The following CFTR variants were observed in gnomAD, a reference collection of about 807,000 sequenced individuals.
The protein encoded by CFTR is cystic fibrosis transmembrane conductance regulator.
In CFTR, 181 loss-of-function variants were observed where a neutral mutation model predicts 171.6. The observed-to-expected ratio is 1.05, with a 90% CI of 0.93 to 1.19. The LOEUF (loss-of-function observed/expected upper bound fraction) is 1.19. Among genes scored for constraint, CFTR ranks in the 50% most tolerant of loss-of-function variants. The probability of loss-of-function intolerance (pLI) is 0.00; values close to 1 mark genes in which losing one functional copy is unlikely to be tolerated. For missense variants in CFTR, 1,968 were observed against 1,734.7 expected (o/e 1.13, Z -2.39); for synonymous variants, 583 against 608.0 (o/e 0.96, Z 0.60).
At chr7:117,599,849 A>C (rs1792194436) in intron 15 of CFTR, among the ~76,000 whole-genome samples, 1 of 152,078 alleles carries the variant, frequency 6.6e-6, no homozygotes, top group Non-Finnish European at 1.5e-5. Context: ...TCTCATTACC[A>C]TTGAAATGTC....
At chr7:117,665,837 T>A (rs1001944844) in intron 26 of CFTR, among the ~76,000 whole-genome samples, 5 of 152,196 alleles carry the variant, frequency 3.3e-5, no homozygotes, top group Non-Finnish European at 7.3e-5. Context: ...AGCCCTTTAT[T>A]TGGGGACCAA....
intron 23 of CFTR, among the ~76,000 whole-genome samples, chr7:117,644,420 G>GAA (rs4148722): frequency 2.8e-5 from 4 of 143,796 alleles, no homozygotes; most frequent in African/African-American, 1.0e-4. Context: ...AGTTTAAAAA[G>GAA]AAAAAAAAAA....
chr7:117,570,207 A>AC (rs1491109870), intron 11 of CFTR, among the ~76,000 whole-genome samples: 64 of 151,632 alleles, frequency 4.2e-4, no homozygotes, highest in Middle Eastern at 3.4e-3. Flanking sequence ...AAAAAAAAAA[A>AC]CAAACAAAAA....
rs121909019 is a variant in CFTR, at chr7:117,611,638, G to A, written c.3197G>A (p.Arg1066His). 62 of 1,613,334 alleles carry A rather than the reference G, an allele frequency of 3.8e-5. No individual in the cohort carries two copies. Among genetic ancestry groups the A allele is most frequent in the Non-Finnish European group, 5.0e-5 (59 of 1,179,718 alleles). ...AGCTTAAAAGGACTATGGACACTTC[G>A]TGCCTTCGGACGGCAGCCTTACTTT... ...VTSLKGLWTL[R>H]AFGRQPYFET... Residue 1066 changes from arginine (R) to histidine (H), a missense_variant, in exon 20 of 27, where the codon CGT becomes CAT. Arg to His is a conservative substitution (Grantham distance 29, BLOSUM62 0). Transcript: ENST00000003084.
intron 1 of CFTR, among the ~76,000 whole-genome samples, chr7:117,489,857 A>AC (rs1362767770): frequency 6.6e-6 from 1 of 151,976 alleles, no homozygotes; most frequent in Non-Finnish European, 1.5e-5. Flanking sequence ...TAAAATACAT[A>AC]CATTTCAAAT....
At chr7:117,498,256 C>T (rs2116627166) in intron 1 of CFTR, among the ~76,000 whole-genome samples, 1 of 152,234 alleles carries the variant, frequency 6.6e-6, no homozygotes, top group South Asian at 2.1e-4. Context: ...CTCCAAGTCC[C>T]TTGGTAAAAT....
At chr7:117,644,863 C>A (rs923818550) in intron 23 of CFTR, among the ~76,000 whole-genome samples, 2 of 152,182 alleles carry the variant, frequency 1.3e-5, no homozygotes, top group Admixed American at 6.6e-5. Flanking sequence ...GACAATGAGG[C>A]TAATCATGAG....
Position 117,597,300 on chromosome 7 carries a change from G to A in CFTR, c.2619+2242G>A, listed in dbSNP as rs932240526. Among the ~76,000 whole-genome samples the A allele has an allele frequency of 3.3e-5, 5 of 152,248 alleles. No individual in the cohort carries two copies. In the East Asian group the frequency reaches 7.7e-4, roughly 24 times the overall value. On this transcript the variant is annotated intron_variant, in intron 15 of 26. Coordinates refer to ENST00000003084, the MANE Select transcript of CFTR (RefSeq NM_000492.4). ...AGAAGGAACAAACTCAGGACACGCGGCCTTTAAGAACTATAACACTCACTG... is the reference window on the plus strand; with the variant it reads ...AGAAGGAACAAACTCAGGACACGCGACCTTTAAGAACTATAACACTCACTG...
At position 117,592,217 on chromosome 7, in the gene CFTR, AAAC is replaced by A. The variant is rs1417165796; in HGVS notation, c.2053_2055del (p.Gln685del). On this transcript the variant is annotated inframe_deletion, in exon 14 of 27. Transcript: ENST00000003084. ...TCCTGTCTCCTGGACAGAAACAAAA[AAAC>A]AATCTTTTAAACAGACTGGAGAGTT... 1 of 1,613,810 alleles carries A rather than the reference AAAC, an allele frequency of 6.2e-7. No individual in the cohort carries two copies. Among genetic ancestry groups the A allele is most frequent in the African/African-American group, 1.3e-5 (1 of 74,938 alleles).
intron 11 of CFTR, among the ~76,000 whole-genome samples, chr7:117,574,184 A>C (rs1276166756): frequency 6.6e-6 from 1 of 152,124 alleles, no homozygotes; most frequent in Non-Finnish European, 1.5e-5. Flanking sequence ...CAGTGCATAC[A>C]AAATGAAGTG....
intron 2 of CFTR, among the ~76,000 whole-genome samples, chr7:117,504,790 A>T (rs1351522213): frequency 6.6e-6 from 1 of 150,652 alleles, no homozygotes; most frequent in African/African-American, 2.4e-5. Context: ...TCTCATTTTC[A>T]CACTGAAATG....
intron 11 of CFTR, among the ~76,000 whole-genome samples, chr7:117,583,398 C>G (rs937187584): frequency 6.6e-6 from 1 of 152,074 alleles, no homozygotes; most frequent in African/African-American, 2.4e-5. Context: ...TGGTTAGCTC[C>G]CACTTGTAAG....
chr7:117,481,509 G>C (rs912154972), intron 1 of CFTR, among the ~76,000 whole-genome samples: 1 of 152,000 alleles, frequency 6.6e-6, no homozygotes, highest in Admixed American at 6.6e-5. Context: ...TGTCAAAGTG[G>C]GTTTTTATAT....
chr7:117,558,931 T>C (rs558097931), intron 10 of CFTR, among the ~76,000 whole-genome samples: 3 of 152,350 alleles, frequency 2.0e-5, no homozygotes, highest in African/African-American at 7.2e-5. Context: ...ATATAAATCT[T>C]TGTTCACTGA....
intron 19 of CFTR, 41 bp downstream of exon 19, chr7:117,610,710 T>C: frequency 6.2e-7 from 1 of 1,605,644 alleles, no homozygotes; most frequent in Middle Eastern, 1.7e-4. Context: ...GTAAAAAAGC[T>C]ATAAGAGCTA....
chr7:117,604,156 G>A (rs1792270061), intron 17 of CFTR, among the ~76,000 whole-genome samples: 1 of 150,902 alleles, frequency 6.6e-6, no homozygotes, highest in South Asian at 2.1e-4. Context: ...AAGTGATCAA[G>A]GAAAATATAT....
At chr7:117,656,660 A>G (rs1269405929) in intron 24 of CFTR, among the ~76,000 whole-genome samples, 1 of 152,234 alleles carries the variant, frequency 6.6e-6, no homozygotes, top group African/African-American at 2.4e-5. Flanking sequence ...TAAGCATTAT[A>G]TTAAAGAAAA....
At chr7:117,664,249 T>C (rs1793332348) in intron 24 of CFTR, among the ~76,000 whole-genome samples, 1 of 152,214 alleles carries the variant, frequency 6.6e-6, no homozygotes, top group South Asian at 2.1e-4. Context: ...TCCTTTATGC[T>C]ACATTCTATC....
chr7:117,504,830 TAAAAG>T (rs1798389893), intron 2 of CFTR, among the ~76,000 whole-genome samples: 1 of 150,794 alleles, frequency 6.6e-6, no homozygotes, highest in Non-Finnish European at 1.5e-5. Flanking sequence ...AATAAAATCA[TAAAAG>T]AAAAATAATC....
Sources: allele counts gnomAD v4.1 joint callset (sites outside exome capture counted in the v4.1 genomes callset), GRCh38; gene constraint gnomAD v4.1.1; transcripts MANE v1.5; gene names NCBI Gene and HGNC (gene_info 2026-07-23, HGNC 2026-07-21).